The following FARP2 variants were observed in gnomAD, a reference collection of about 807,000 sequenced individuals.
The protein encoded by FARP2 is FERM, ARH/RhoGEF and pleckstrin domain protein 2.
In FARP2, 111 loss-of-function variants were observed where a neutral mutation model predicts 130.5. The observed-to-expected ratio is 0.85, with a 90% CI of 0.73 to 1.00. The LOEUF is 1.00. Ranked by LOEUF, FARP2 falls within the 50% of genes least tolerant of loss-of-function variation. FARP2 has a pLI of 0.00. For missense variants in FARP2, 1,385 were observed against 1,346.3 expected, an observed-to-expected ratio of 1.03 and a Z score of -0.45; for synonymous variants, 504 against 516.9, an observed-to-expected ratio of 0.98 and a Z score of 0.34.
intron 8 of FARP2, among the ~76,000 whole-genome samples, chr2:241,431,232 A>G (rs902157379): frequency 1.3e-5 from 2 of 152,076 alleles, no homozygotes; most frequent in African/African-American, 4.8e-5. Context: ...TGAACCTTTC[A>G]GTGTCCTTGT....
intron 24 of FARP2, 65 bp from the exon 25 acceptor site, chr2:241,492,864 A>C: frequency 1.1e-6 from 1 of 937,090 alleles, no homozygotes; most frequent in South Asian, 1.3e-5. Context: ...CTTGGGGAGC[A>C]AACCCACTCC....
intron 3 of FARP2, 49 bp downstream of exon 3, chr2:241,403,981 ATGACAGCCG>A: frequency 2.1e-6 from 2 of 965,766 alleles, no homozygotes; most frequent in Middle Eastern, 4.2e-4. Flanking sequence ...GCCTGCTGTG[ATGACAGCCG>A]CAAGATCTTT....
chr2:241,408,297 G>A (rs1186403560), intron 5 of FARP2, among the ~76,000 whole-genome samples: 5 of 151,972 alleles, frequency 3.3e-5, no homozygotes, highest in Non-Finnish European at 7.4e-5. Context: ...GCATGAACCC[G>A]AGAGGCGGAG....
chr2:241,463,786 G>A (rs2064092494), intron 16 of FARP2, 113 bp from the exon 17 acceptor site: 1 of 951,328 alleles, frequency 1.1e-6, no homozygotes, highest in Non-Finnish European at 1.6e-6. Flanking sequence ...CCACCTCAGA[G>A]CTTCACCACC....
chr2:241,448,810 G>A (rs4675956), intron 13 of FARP2, among the ~76,000 whole-genome samples: 2 of 152,188 alleles, frequency 1.3e-5, no homozygotes, highest in African/African-American at 4.8e-5. Flanking sequence ...TGGCTCCACC[G>A]TGTGCTGCCT....
chr2:241,396,717 C>T (rs557680975), intron 2 of FARP2, among the ~76,000 whole-genome samples: 22 of 152,276 alleles, frequency 1.4e-4, no homozygotes, highest in South Asian at 8.3e-4. Context: ...GAAATAGGAA[C>T]GCTTTTACAC....
intron 11 of FARP2, 53 bp downstream of exon 11, chr2:241,435,083 A>T (rs895742688): frequency 1.8e-5 from 19 of 1,079,448 alleles, no homozygotes; most frequent in Non-Finnish European, 2.6e-5. Context: ...TTAAAATTTA[A>T]ATATATATAT....
At chr2:241,450,275 A>T (rs895812152) in intron 13 of FARP2, among the ~76,000 whole-genome samples, 2 of 151,962 alleles carry the variant, frequency 1.3e-5, no homozygotes, top group Non-Finnish European at 2.9e-5. Flanking sequence ...AGGTGGGAGG[A>T]TCGAGCCTGG....
At position 241,475,288 on chromosome 2, in the gene FARP2, C is replaced by T. The variant is rs2064428890; in HGVS notation, c.2132-569C>T. Among the ~76,000 whole-genome samples, 1 of 152,174 alleles carries T rather than the reference C, an allele frequency of 6.6e-6. No individual in the cohort carries two copies. The highest frequency in any genetic ancestry group is 1.5e-5 in the Non-Finnish European group (1 of 68,030). ...CCTCAGGGGTATCTGCAGGAGCAGG[C>T]GCCTGGTGGCTGCACATAGTAGGCA... On this transcript the variant is annotated intron_variant, in intron 18 of 26. Coordinates refer to ENST00000264042, the MANE Select transcript of FARP2 (RefSeq NM_014808.4). The surrounding 1 kb of genome is among the most constrained non-coding windows in gnomAD (Gnocchi z 4.4).
intron 19 of FARP2, among the ~76,000 whole-genome samples, chr2:241,479,244 A>G (rs1038900923): frequency 6.6e-6 from 1 of 152,228 alleles, no homozygotes; most frequent in African/African-American, 2.4e-5. Flanking sequence ...CCAGAGACTG[A>G]GGCAGATGCT....
chr2:241,437,547 C>T, intron 12 of FARP2, among the ~76,000 whole-genome samples: 1 of 151,494 alleles, frequency 6.6e-6, no homozygotes. Context: ...CTCACTGCAA[C>T]CTCTGCTTCC....
intron 1 of FARP2, among the ~76,000 whole-genome samples, chr2:241,365,686 C>T (rs1227701899): frequency 6.6e-6 from 1 of 151,998 alleles, no homozygotes; most frequent in Non-Finnish European, 1.5e-5. Flanking sequence ...GATATATTTT[C>T]CTGGTGACGT....
chr2:241,375,763 CT>C (rs998525284), intron 2 of FARP2, among the ~76,000 whole-genome samples: 104 of 145,460 alleles, frequency 7.1e-4, no homozygotes, highest in African/African-American at 9.8e-4. Context: ...GGATGGGGTA[CT>C]TTTTTTTTTT....
chr2:241,444,352 T>A (rs1290499940), intron 13 of FARP2: 2 of 152,240 alleles, frequency 1.3e-5, no homozygotes, highest in Non-Finnish European at 2.9e-5. Context: ...GAAATGAGTA[T>A]AGATAACATT....
Position 241,470,762 on chromosome 2 carries a change from G to A in FARP2, c.2131+2385G>A, listed in dbSNP as rs551890155. Among the ~76,000 whole-genome samples, 3 of 152,146 alleles carry A rather than the reference G, an allele frequency of 2.0e-5. No homozygotes were observed. In the South Asian group the frequency reaches 6.2e-4, roughly 32 times the overall value. ...TCTGAGGGAGGGGTCCATACTCTGA[G>A]GAGACTCTATTCTGTGGGGACCCTG... On this transcript the variant is annotated intron_variant, in intron 18 of 26. Transcript: ENST00000264042.
rs376544175 is a variant in FARP2, at chr2:241,483,399, G to A, written c.2263-66G>A. The A allele has an allele frequency of 1.2e-5, 17 of 1,371,556 alleles. No homozygotes were observed. In the African/African-American group the frequency reaches 2.4e-4, roughly 20 times the overall value. 85.0% of individuals were successfully genotyped at this position (1,371,556 alleles called of 1,614,324 possible). The stretch of plus-strand genomic sequence containing the variant: ...GCCACAAGGCTATTCCTGACCCTCA[G>A]CCCGGCTAGTGCATCCGCCAGCTGC... On this transcript the variant is annotated intron_variant, in intron 19 of 26. Transcript: ENST00000264042.
intron 7 of FARP2, 130 bp from the exon 8 acceptor site, chr2:241,417,832 C>T (rs747399489): frequency 1.0e-6 from 1 of 962,492 alleles, no homozygotes; most frequent in Non-Finnish European, 1.6e-6. Context: ...TAAACACAGA[C>T]AGTGAACCAT....
intron 1 of FARP2, among the ~76,000 whole-genome samples, chr2:241,372,171 C>T (rs752495411): frequency 1.3e-5 from 2 of 152,040 alleles, no homozygotes; most frequent in African/African-American, 4.8e-5. Context: ...ACCTGAGCTC[C>T]TCCCTAGGCC....
Position 241,494,134 on chromosome 2 carries a change from C to T in FARP2, c.*9C>T. Reference sequence around the variant, plus strand: ...GGGGGAAGGAGGAATGACGCTCAACCTGCCCAGGTTTGGACACAACTACAA... The same window carrying T: ...GGGGGAAGGAGGAATGACGCTCAACTTGCCCAGGTTTGGACACAACTACAA... On this transcript the variant is annotated 3_prime_UTR_variant, in exon 27 of 27. Transcript: ENST00000264042. This position sits in a 1 kb window ranked among gnomAD's most constrained non-coding sequence, Gnocchi z 4.9. 6.9e-6 allele frequency: 10 copies of T among 1,457,520 alleles called. No individual in the cohort carries two copies. Among genetic ancestry groups the T allele is most frequent in the Admixed American group, 2.8e-5 (1 of 35,388 alleles). The allele number at this position is 1,457,520 out of a possible 1,614,324, so 90.3% of individuals were successfully genotyped here. A position where few individuals can be genotyped will look rare whatever the true frequency, so the allele number is the denominator to read the frequency against.
Sources: gnomAD v4.1 joint callset for allele counts (sites outside exome capture counted in the v4.1 genomes callset) on GRCh38, gnomAD v4.1.1 for gene constraint, Gnocchi (gnomAD v3.1) non-coding constraint, MANE v1.5 for transcripts, NCBI Gene and HGNC (gene_info 2026-07-23, HGNC 2026-07-21) for gene names.